Variants in DNM1 observed in about 807,000 individuals in gnomAD.
DNM1 encodes the protein dynamin-1.
In DNM1, 29 loss-of-function variants were observed where a neutral mutation model predicts 104.6. The ratio of observed to expected loss-of-function variants is 0.28; its 90% confidence interval spans 0.21 to 0.38. DNM1 has a LOEUF of 0.38. DNM1 is among the 10% of genes least tolerant of loss of function. DNM1 has a pLI of 1.00. For synonymous variants in DNM1, 445 were observed against 475.8 expected (o/e 0.94, Z 0.84); for missense variants, 640 against 1,189.4 (o/e 0.54, Z 6.79).
In DNM1 at chr9:128,218,288, G is replaced by T. The variant is rs745622759; in HGVS notation, c.219G>T (p.Leu73=). Residue 73 remains leucine (L), a synonymous_variant, in exon 2 of 22, where the codon CTG becomes CTT. Transcript: ENST00000372923. The surrounding 1 kb of genome is among the most constrained non-coding windows in gnomAD (Gnocchi z 4.8). The part of the protein sequence containing the change: ...IVTRRPLVLQ[L]VNATTEYAEF... ...CCCGACGTCCCCTGGTCTTGCAGCT[G>T]GTCAATGCAACCACAGGTACGTGCC... 6.2e-7 allele frequency: 1 copy of T among 1,614,092 alleles called. No individual in the cohort carries two copies. The highest frequency in any genetic ancestry group is 1.1e-5 in the South Asian group (1 of 91,070).
At chr9:128,249,582 G>A (rs1330861682) in intron 19 of DNM1, among the ~76,000 whole-genome samples, 1 of 152,062 alleles carries the variant, frequency 6.6e-6, no homozygotes, top group African/African-American at 2.4e-5. Flanking sequence ...CTTGAACCCG[G>A]GAGGCGGAGG....
chr9:128,225,481 C>G (rs1314452132), intron 10 of DNM1, among the ~76,000 whole-genome samples: 2 of 152,186 alleles, frequency 1.3e-5, no homozygotes, highest in Non-Finnish European at 2.9e-5. Context: ...ATGGCCTGGG[C>G]AGCTGGATGC....
Position 128,243,160 on chromosome 9 carries a change from C to T in DNM1, c.1671+815C>T, listed in dbSNP as rs912731656. Reference sequence around the variant, plus strand: ...GCCCTGCCGAGGTGCCACAAAAAACCCCTCCCCGCCCACTAGGGTGCACAG... The same window carrying T: ...GCCCTGCCGAGGTGCCACAAAAAACTCCTCCCCGCCCACTAGGGTGCACAG... On this transcript the variant is annotated intron_variant, in intron 15 of 21. Coordinates refer to ENST00000372923, the MANE Select transcript of DNM1 (RefSeq NM_004408.4). This position sits in a 1 kb window ranked among gnomAD's most constrained non-coding sequence, Gnocchi z 4.0. Among the ~76,000 whole-genome samples the T allele has an allele frequency of 2.0e-5, 3 of 152,152 alleles. No individual in the cohort carries two copies. The highest frequency in any genetic ancestry group is 2.9e-5 in the Non-Finnish European group (2 of 68,006).
rs1228803054 is a variant in DNM1 at position 128,220,893 on chromosome 9, C to CTTTCTT, written c.849+554_849+559dup. Among the ~76,000 whole-genome samples the CTTTCTT allele has an allele frequency of 3.2e-5, 3 of 92,748 alleles. No individual in the cohort carries two copies. Among genetic ancestry groups the CTTTCTT allele is most frequent in the Non-Finnish European group, 8.1e-5 (3 of 37,242 alleles). The allele number at this position is 92,748 out of a possible 152,430, so 60.8% of individuals were successfully genotyped here. ...TCTTTTTTCTTTATTTGTTTTCTTTCTTTCTTTCTTTCTTTCTTTCTTTCT... is the reference window on the plus strand; with the variant it reads ...TCTTTTTTCTTTATTTGTTTTCTTTCTTTCTTTTTCTTTCTTTCTTTCTTTCTTTCT... On this transcript the variant is annotated intron_variant, in intron 6 of 21. Transcript: ENST00000372923. This position sits in a 1 kb window ranked among gnomAD's most constrained non-coding sequence, Gnocchi z 5.2.
rs575851771 is a variant in DNM1 at position 128,235,331 on chromosome 9, TA to T, written c.1422+1229del. Reference sequence around the variant, plus strand: ...CAACATGGTGAAACCCCGTCTCTACTAAAAATACAAAATTTAGCCGGACTTG... The same window carrying T: ...CAACATGGTGAAACCCCGTCTCTACTAAAATACAAAATTTAGCCGGACTTG... On this transcript the variant is annotated intron_variant, in intron 11 of 21. Coordinates refer to ENST00000372923, the MANE Select transcript of DNM1 (RefSeq NM_004408.4). 2.6e-4 allele frequency among the ~76,000 whole-genome samples: 39 copies of T among 152,096 alleles called. No individual in the cohort carries two copies. In the South Asian group the frequency reaches 7.9e-3, roughly 31 times the overall value.
chr9:128,224,325 G>C lies in DNM1; in HGVS notation c.1271G>C (p.Cys424Ser). 6.2e-7 allele frequency: 1 copy of C among 1,614,148 alleles called. No individual in the cohort carries two copies. The highest frequency in any genetic ancestry group is 8.5e-7 in the Non-Finnish European group (1 of 1,179,994). The change falls in exon 10 of 22, where the codon TGT becomes TCT. Residue 424 changes from cysteine to serine, a missense_variant. By Grantham distance (112) the Cys-to-Ser change is moderately radical. Transcript: ENST00000372923. This position sits in a 1 kb window ranked among gnomAD's most constrained non-coding sequence, Gnocchi z 4.3. ...KKQVKKIREPCLKCVDMVISE... is the reference protein window; with the variant it reads ...KKQVKKIREPSLKCVDMVISE... ...CAGGTGAAGAAGATCCGAGAACCGT[G>C]TCTCAAGTGTGTGGACATGGTTATC...
rs1278433146 is a variant in DNM1, at chr9:128,254,700, C to G, written c.2581C>G (p.Pro861Ala). The change falls in exon 22 of 22, where the codon CCC (proline) becomes GCC (alanine). Residue 861 changes from proline to alanine, a missense_variant. Physicochemically the swap from Pro to Ala is conservative, Grantham distance 27. This residue lies in a region of DNM1 where 37 missense variants were observed against 35.6 expected (regional missense o/e 1.04). Transcript: ENST00000372923. This position sits in a 1 kb window ranked among gnomAD's most constrained non-coding sequence, Gnocchi z 6.1. ...ATCCCGTCCTGAGAGCCCCAGGCCC[C>G]CCTTCGACCTCTAAACAGATCCCTC... ...SPSRPESPRPPFDL is the reference protein window; with the variant it reads ...SPSRPESPRPAFDL The G allele has an allele frequency of 6.3e-7, 1 of 1,596,320 alleles. No homozygotes were observed. Among genetic ancestry groups the G allele is most frequent in the Non-Finnish European group, 8.5e-7 (1 of 1,179,692 alleles).
intron 11 of DNM1, 40 bp from the exon 12 acceptor site, chr9:128,239,405 T>C: frequency 6.5e-7 from 1 of 1,540,712 alleles, no homozygotes; most frequent in Non-Finnish European, 9.0e-7. Context: ...AACTTTGTGG[T>C]GTCTTTTGCG....
intron 6 of DNM1, among the ~76,000 whole-genome samples, chr9:128,221,832 G>A (rs901142878): frequency 2.0e-5 from 3 of 152,138 alleles, no homozygotes; most frequent in Non-Finnish European, 2.9e-5. Context: ...GGCAGAGATC[G>A]CAGGTTGCAG....
In DNM1 at chr9:128,254,561, G is replaced by T. The variant is rs894354988; in HGVS notation, c.2535-93G>T. The T allele has an allele frequency of 5.6e-5, 88 of 1,566,634 alleles. No individual in the cohort carries two copies. In the South Asian group the frequency reaches 6.9e-4, roughly 12 times the overall value. On this transcript the variant is annotated intron_variant, in intron 21 of 21. Coordinates refer to ENST00000372923, the MANE Select transcript of DNM1 (RefSeq NM_004408.4). The surrounding 1 kb of genome is among the most constrained non-coding windows in gnomAD (Gnocchi z 6.1). The stretch of plus-strand genomic sequence containing the variant: ...CCGGCCCTCCCACCACTGCTGCGGC[G>T]CGGCCGGCCCCGGCCGTGTGCTGCG...
rs777299537 is a variant in DNM1 at position 128,250,180 on chromosome 9, G to A, written c.2142G>A (p.Leu714=). Residue 714 remains leucine (L), a synonymous_variant, in exon 20 of 22, where the codon CTG becomes CTA. Coordinates refer to ENST00000372923, the MANE Select transcript of DNM1 (RefSeq NM_004408.4). ...ACTCGTGTGGGGACCAGAACACGCTGATGGAGGAGTCGGCGGAGCAGGCAC... is the reference window on the plus strand; with the variant it reads ...ACTCGTGTGGGGACCAGAACACGCTAATGGAGGAGTCGGCGGAGCAGGCAC... ...NLYSCGDQNT[L]MEESAEQAQR... 6.2e-7 allele frequency: 1 copy of A among 1,614,222 alleles called. No individual in the cohort carries two copies. Among genetic ancestry groups the A allele is most frequent in the Non-Finnish European group, 8.5e-7 (1 of 1,180,044 alleles).
intron 1 of DNM1, chr9:128,204,354 T>G (rs1833755030): frequency 6.6e-6 from 1 of 152,308 alleles, no homozygotes; most frequent in Non-Finnish European, 1.5e-5. Context: ...AGTGTCGCCC[T>G]CCCCTTGGCC....
Position 128,243,458 on chromosome 9 carries a change from TC to T in DNM1, c.1671+1115del, listed in dbSNP as rs1836524971. Among the ~76,000 whole-genome samples, 2 of 152,150 alleles carry T rather than the reference TC, an allele frequency of 1.3e-5. No homozygotes were observed. Among genetic ancestry groups the T allele is most frequent in the East Asian group, 3.9e-4 (2 of 5,182 alleles). On this transcript the variant is annotated intron_variant, in intron 15 of 21. Transcript: ENST00000372923. This position sits in a 1 kb window ranked among gnomAD's most constrained non-coding sequence, Gnocchi z 4.0. ...AGCCCCCTCCCAGGTCCCTGTCTCC[TC>T]CAAGTTTGTCCTGGGCAGGGGCCCC... is the stretch of plus-strand genomic sequence containing the variant.
At position 128,247,849 on chromosome 9, in the gene DNM1, T is replaced by C. The variant is rs554460022; in HGVS notation, c.1894-75T>C. 40 of 1,585,874 alleles carry C rather than the reference T, an allele frequency of 2.5e-5. No homozygotes were observed. The highest frequency in any genetic ancestry group is 3.4e-5 in the Non-Finnish European group (39 of 1,162,758). On this transcript the variant is annotated intron_variant, in intron 17 of 21. Transcript: ENST00000372923. The surrounding 1 kb of genome is among the most constrained non-coding windows in gnomAD (Gnocchi z 5.1). ...CCAGGTTCACTCAATCTCTCCCCTTTTCCTCTCTGTGTTTCCTTCGGCTGT... is the reference window on the plus strand; with the variant it reads ...CCAGGTTCACTCAATCTCTCCCCTTCTCCTCTCTGTGTTTCCTTCGGCTGT...
chr9:128,203,738 C>T lies in DNM1; in HGVS notation c.161+107C>T, dbSNP rs1056979334. ...GACCTCGCAGCCCCCGACGCTGCAC[C>T]CGCGGCCGGCGCGCCCCCCACCCCC... On this transcript the variant is annotated intron_variant, in intron 1 of 21. Coordinates refer to ENST00000372923, the MANE Select transcript of DNM1 (RefSeq NM_004408.4). The surrounding 1 kb of genome is among the most constrained non-coding windows in gnomAD (Gnocchi z 5.3). The T allele has an allele frequency of 9.1e-7, 1 of 1,096,426 alleles. No individual in the cohort carries two copies. The highest frequency in any genetic ancestry group is 1.2e-6 in the Non-Finnish European group (1 of 864,182). 67.9% of individuals were successfully genotyped at this position (1,096,426 alleles called of 1,614,324 possible).
intron 21 of DNM1, 45 bp downstream of exon 21, chr9:128,250,985 T>C: frequency 2.5e-6 from 3 of 1,183,262 alleles, no homozygotes; most frequent in Non-Finnish European, 3.6e-6. Context: ...CGGACGGGCG[T>C]GGCCGGGAGG....
chr9:128,242,175 T>C (rs757974335), intron 14 of DNM1, 57 bp from the exon 15 acceptor site: 4 of 981,256 alleles, frequency 4.1e-6, no homozygotes, highest in South Asian at 4.0e-5. Context: ...GCCTACCCCA[T>C]CCCCCATGGG....
chr9:128,252,347 C>T, intron 21 of DNM1: 1 of 370,990 alleles, frequency 2.7e-6, no homozygotes, highest in Admixed American at 3.7e-5. Context: ...ACACATGAAA[C>T]ATTTGGCAAA....
chr9:128,225,745 C>T (rs980741210), intron 10 of DNM1, among the ~76,000 whole-genome samples: 10 of 152,010 alleles, frequency 6.6e-5, no homozygotes, highest in African/African-American at 2.2e-4. Context: ...GGGTCTTGTA[C>T]GGAGCAGGGG....
Sources: allele counts gnomAD v4.1 joint callset (sites outside exome capture counted in the v4.1 genomes callset), GRCh38; gene constraint gnomAD v4.1.1; regional missense constraint gnomAD v4.1.1; non-coding constraint Gnocchi (gnomAD v3.1); transcripts MANE v1.5; gene names NCBI Gene and HGNC (gene_info 2026-07-23, HGNC 2026-07-21).